Variants in TENM3 observed in about 807,000 individuals in gnomAD.
The protein encoded by TENM3 is teneurin transmembrane protein 3.
Under a neutral mutation model 255.1 loss-of-function variants are expected in TENM3, and 63 were observed. The observed-to-expected ratio is 0.25, with a 90% confidence interval of 0.20 to 0.30. The LOEUF is 0.30. Among genes scored for constraint, TENM3 ranks in the 10% least tolerant of loss-of-function variants. TENM3 has a pLI of 1.00. For synonymous variants in TENM3, 1,306 were observed against 1,322.3 expected (o/e 0.99, Z 0.27); for missense variants, 2,929 against 3,461.1 (o/e 0.85, Z 3.86).
At chr4:181,955,338 C>T in the TENM3 span, among the ~76,000 whole-genome samples, 1 of 152,170 alleles carries the variant, frequency 6.6e-6, no homozygotes, top group Non-Finnish European at 1.5e-5. Context: ...TTCCCTAGCA[C>T]TGCAGGAGTG....
the TENM3 span, among the ~76,000 whole-genome samples, chr4:181,972,436 C>CAAAA: frequency 1.3e-3 from 149 of 115,096 alleles, 3 homozygotes; most frequent in Middle Eastern, 4.6e-3. Context: ...CCTCCTTGTC[C>CAAAA]AAAAAAAAAA....
At chr4:181,896,399 A>G in the TENM3 span, among the ~76,000 whole-genome samples, 1 of 152,190 alleles carries the variant, frequency 6.6e-6, no homozygotes, top group Admixed American at 6.5e-5. Context: ...TGATTCTGAG[A>G]TACCATACAA....
the TENM3 span, among the ~76,000 whole-genome samples, chr4:181,495,556 C>T: frequency 3.4e-5 from 5 of 148,676 alleles, no homozygotes; most frequent in African/African-American, 1.3e-4. Context: ...TTAGTATACA[C>T]GAGAGAGAGA....
rs892644448 is a variant in TENM3, at chr4:182,743,349, T to C, written c.3559T>C (p.Tyr1187His). ...AGCTTGTGGGATCGATGGCAGTCTG[T>C]ACGTAGGCGATTTCAACTATGTGCG... ...ALACGIDGSLYVGDFNYVRRI... is the reference protein window; with the variant it reads ...ALACGIDGSLHVGDFNYVRRI... Residue 1187 changes from tyrosine (Y) to histidine (H), a missense_variant, in exon 19 of 28, where the codon TAC becomes CAC. Tyr to His is a moderately conservative substitution (Grantham distance 83, BLOSUM62 2). This residue lies in a region of TENM3 where 1,608 missense variants were observed against 1,884.4 expected (regional missense o/e 0.85). Transcript: ENST00000511685. 9.3e-6 allele frequency: 15 copies of C among 1,613,870 alleles called. No individual in the cohort carries two copies. The highest frequency in any genetic ancestry group is 1.2e-5 in the Non-Finnish European group (14 of 1,179,878).
chr4:181,455,654 G>T, the TENM3 span, among the ~76,000 whole-genome samples: 1 of 151,942 alleles, frequency 6.6e-6, no homozygotes, highest in African/African-American at 2.4e-5. Context: ...AGTAATATTG[G>T]TGCTAATCTG....
At chr4:182,470,747 G>A (rs1190151438) in intron 3 of TENM3, among the ~76,000 whole-genome samples, 1 of 152,206 alleles carries the variant, frequency 6.6e-6, no homozygotes, top group Non-Finnish European at 1.5e-5. Flanking sequence ...CCATGGGAAT[G>A]TGGGAATGGG....
At chr4:182,238,872 A>G (rs1326833968), upstream of TENM3, among the ~76,000 whole-genome samples, 1 of 152,156 alleles carries the variant, frequency 6.6e-6, no homozygotes, top group East Asian at 1.9e-4. Context: ...TGACTCATTC[A>G]TACTAACATC....
At chr4:182,466,576 C>A (rs1053620777) in intron 3 of TENM3, among the ~76,000 whole-genome samples, 1 of 152,120 alleles carries the variant, frequency 6.6e-6, no homozygotes, top group African/African-American at 2.4e-5. Context: ...AAGCGATCCT[C>A]CTGCCTTGGC....
At chr4:182,466,231 G>A (rs779589424) in intron 3 of TENM3, among the ~76,000 whole-genome samples, 4 of 152,146 alleles carry the variant, frequency 2.6e-5, no homozygotes, top group Non-Finnish European at 5.9e-5. Flanking sequence ...CAACAGAATT[G>A]TAGTCTCTCA....
chr4:182,236,634 A>C (rs1756915962), intron 1 of TENM3, among the ~76,000 whole-genome samples: 1 of 152,218 alleles, frequency 6.6e-6, no homozygotes, highest in African/African-American at 2.4e-5. Context: ...GTATGTGAAA[A>C]TATTTCAACA....
intron 1 of TENM3, among the ~76,000 whole-genome samples, chr4:182,203,304 A>G (rs1459529300): frequency 6.6e-6 from 1 of 152,118 alleles, no homozygotes; most frequent in African/African-American, 2.4e-5. Flanking sequence ...CATAAAATAA[A>G]CTCACACCCC....
At chr4:182,181,504 C>T (rs373655645) in intron 1 of TENM3, among the ~76,000 whole-genome samples, 2 of 152,146 alleles carry the variant, frequency 1.3e-5, no homozygotes, top group Non-Finnish European at 2.9e-5. Context: ...ATTTGACCAC[C>T]TTTTTATAAA....
intron 3 of TENM3, among the ~76,000 whole-genome samples, chr4:182,600,180 G>C (rs1446320068): frequency 6.6e-6 from 1 of 152,164 alleles, no homozygotes; most frequent in Non-Finnish European, 1.5e-5. Context: ...ACTTACTTCA[G>C]AATGTAGTTA....
intron 22 of TENM3, among the ~76,000 whole-genome samples, chr4:182,761,586 A>ATAAG (rs1297031322): frequency 2.0e-5 from 3 of 148,936 alleles, no homozygotes; most frequent in African/African-American, 7.8e-5. Context: ...AGCCCACTTT[A>ATAAG]TAAGTATATA....
chr4:181,829,483 T>C, the TENM3 span, among the ~76,000 whole-genome samples: 1 of 152,202 alleles, frequency 6.6e-6, no homozygotes, highest in Non-Finnish European at 1.5e-5. Flanking sequence ...CTGAACTTCA[T>C]ATGTGTAGAA....
At chr4:181,497,679 T>C in the TENM3 span, among the ~76,000 whole-genome samples, 1 of 152,162 alleles carries the variant, frequency 6.6e-6, no homozygotes, top group Non-Finnish European at 1.5e-5. Context: ...TCTTGAAACT[T>C]CAGTACCTAT....
the TENM3 span, among the ~76,000 whole-genome samples, chr4:181,656,749 G>A: frequency 2.0e-5 from 3 of 148,016 alleles, no homozygotes; most frequent in Non-Finnish European, 4.5e-5. Context: ...GGAAGAAGAC[G>A]TAATAGAAAA....
chr4:181,569,104 G>T, the TENM3 span, among the ~76,000 whole-genome samples: 2 of 152,160 alleles, frequency 1.3e-5, no homozygotes, highest in Non-Finnish European at 2.9e-5. Flanking sequence ...AGGCCTAGGT[G>T]GGACCATCAC....
chr4:181,961,534 C>T, the TENM3 span, among the ~76,000 whole-genome samples: 80,039 of 151,696 alleles, frequency 0.53, 21,512 homozygotes, highest in Non-Finnish European at 0.56. Flanking sequence ...ATTCTCCTGC[C>T]TCAGCCTCCC....
Sources: allele counts gnomAD v4.1 joint callset (sites outside exome capture counted in the v4.1 genomes callset), GRCh38; gene constraint gnomAD v4.1.1; regional missense constraint gnomAD v4.1.1; transcripts MANE v1.5; gene names NCBI Gene and HGNC (gene_info 2026-07-23, HGNC 2026-07-21).